CELF2: variants seen among roughly 807,000 people sequenced by gnomAD.
CELF2 encodes the protein CUG triplet repeat RNA-binding protein 2.
CELF2 carries 8 observed loss-of-function variants against 62.6 expected under a neutral mutation model. The observed-to-expected ratio is 0.13, with a 90% CI of 0.07 to 0.23. CELF2 has a LOEUF of 0.23. Ranked by LOEUF, CELF2 falls within the 10% of genes least tolerant of loss-of-function variation. The pLI is 1.00. For missense variants in CELF2, 333 were observed against 671.0 expected (o/e 0.50, Z 5.56); for synonymous variants, 258 against 250.0 (o/e 1.03, Z -0.30).
At chr10:10,826,746 A>G (rs2057420931) in intron 1 of CELF2, among the ~76,000 whole-genome samples, 1 of 152,344 alleles carries the variant, frequency 6.6e-6, no homozygotes, top group East Asian at 1.9e-4. Flanking sequence ...GTTGCCTTCA[A>G]AGATAAAGAA....
At chr10:10,836,321 C>T (rs1350801761) in intron 1 of CELF2, among the ~76,000 whole-genome samples, 1 of 152,092 alleles carries the variant, frequency 6.6e-6, no homozygotes, top group African/African-American at 2.4e-5. Flanking sequence ...AGGGGAAGAT[C>T]CAGGAAGGGT....
At chr10:10,651,645 C>T in the CELF2 span, among the ~76,000 whole-genome samples, 1 of 149,494 alleles carries the variant, frequency 6.7e-6, no homozygotes, top group Non-Finnish European at 1.5e-5. Flanking sequence ...TTCCAACAGA[C>T]CTGCAGCTGA....
intron 1 of CELF2, among the ~76,000 whole-genome samples, chr10:11,134,770 C>A (rs1480082549): frequency 6.6e-6 from 1 of 152,178 alleles, no homozygotes; most frequent in African/African-American, 2.4e-5. Context: ...GAGCAAGGAA[C>A]ACCCGGGAAC....
chr10:10,777,602 T>C, the CELF2 span, among the ~76,000 whole-genome samples: 6 of 152,176 alleles, frequency 3.9e-5, no homozygotes, highest in Admixed American at 3.9e-4. Flanking sequence ...GTCAAAGCCT[T>C]GGTCAACTTG....
chr10:11,076,494 T>G (rs2071985632), intron 1 of CELF2, among the ~76,000 whole-genome samples: 1 of 152,214 alleles, frequency 6.6e-6, no homozygotes, highest in Non-Finnish European at 1.5e-5. Context: ...GATCCAGGGC[T>G]ACTTGTCAAT....
chr10:11,227,896 CTG>C lies in CELF2; in HGVS notation c.354+10392_354+10393del, dbSNP rs1393867001. 1.3e-5 allele frequency among the ~76,000 whole-genome samples: 2 copies of C among 152,158 alleles called. No homozygotes were observed. Among genetic ancestry groups the C allele is most frequent in the Non-Finnish European group, 2.9e-5 (2 of 68,024 alleles). ...TGTGGGTCGCTGGGTGTATTTTAAT[CTG>C]TGACATTCCACACTTTGTGTACTCA... On this transcript the variant is annotated intron_variant, in intron 3 of 12. Transcript: ENST00000633077. This position sits in a 1 kb window ranked among gnomAD's most constrained non-coding sequence, Gnocchi z 4.8.
chr10:10,836,783 G>A (rs1443646360), intron 1 of CELF2, among the ~76,000 whole-genome samples: 1 of 152,168 alleles, frequency 6.6e-6, no homozygotes, highest in Non-Finnish European at 1.5e-5. Context: ...CAACAGGCAT[G>A]TGCCACCACG....
intron 2 of CELF2, among the ~76,000 whole-genome samples, chr10:10,994,049 C>G (rs1459382623): frequency 6.6e-6 from 1 of 152,164 alleles, no homozygotes; most frequent in African/African-American, 2.4e-5. Flanking sequence ...TTAAGCCACT[C>G]AGTTTATGGT....
At chr10:10,641,426 A>C in the CELF2 span, among the ~76,000 whole-genome samples, 134 of 152,006 alleles carry the variant, frequency 8.8e-4, no homozygotes, top group Non-Finnish European at 1.3e-3. Context: ...GTATTGCTAC[A>C]GAGGTTTTTT....
At chr10:10,467,065 CCAGTATACCAACATACCA>C in the CELF2 span, among the ~76,000 whole-genome samples, 1 of 151,954 alleles carries the variant, frequency 6.6e-6, no homozygotes, top group Non-Finnish European at 1.5e-5. Flanking sequence ...CAGTATACCA[CCAGTATACCAACATACCA>C]CAATATACCA....
rs529606491 is a variant in CELF2, at chr10:11,247,375, C to T, written c.355-1778C>T. Reference sequence around the variant, plus strand: ...TTCCTGGGTCACTGCGGGGCTGCCCCGTGAGTTTCACATGCCGGCCCCCCT... The same window carrying T: ...TTCCTGGGTCACTGCGGGGCTGCCCTGTGAGTTTCACATGCCGGCCCCCCT... On this transcript the variant is annotated intron_variant, in intron 3 of 12. Coordinates refer to ENST00000633077, the MANE Select transcript of CELF2 (RefSeq NM_001326342.2). This position sits in a 1 kb window ranked among gnomAD's most constrained non-coding sequence, Gnocchi z 5.4. Among the ~76,000 whole-genome samples, 3 of 152,312 alleles carry T rather than the reference C, an allele frequency of 2.0e-5. No individual in the cohort carries two copies. The highest frequency in any genetic ancestry group is 2.9e-5 in the Non-Finnish European group (2 of 68,018).
In CELF2 at chr10:11,191,655, C is replaced by A. The variant is rs187792363; in HGVS notation, c.272-25770C>A. Reference sequence around the variant, plus strand: ...TAACTGTGGCCTCCCCAGGATGTTACACGTCCTGGCCTCCTCCCTGCAGAA... The same window carrying A: ...TAACTGTGGCCTCCCCAGGATGTTAAACGTCCTGGCCTCCTCCCTGCAGAA... On this transcript the variant is annotated intron_variant, in intron 2 of 12. Transcript: ENST00000633077. The surrounding 1 kb of genome is among the most constrained non-coding windows in gnomAD (Gnocchi z 4.1). Among the ~76,000 whole-genome samples the A allele has an allele frequency of 7.4e-4, 112 of 152,284 alleles. No individual in the cohort carries two copies. Among genetic ancestry groups the A allele is most frequent in the African/African-American group, 2.5e-3 (103 of 41,558 alleles).
At chr10:10,861,366 G>A (rs1459277285) in intron 1 of CELF2, among the ~76,000 whole-genome samples, 1 of 152,158 alleles carries the variant, frequency 6.6e-6, no homozygotes, top group Non-Finnish European at 1.5e-5. Flanking sequence ...GAACCACTGT[G>A]CCTGGCCAAG....
At chr10:10,470,945 C>A in the CELF2 span, among the ~76,000 whole-genome samples, 1 of 151,536 alleles carries the variant, frequency 6.6e-6, no homozygotes, top group Admixed American at 6.6e-5. Flanking sequence ...TTCCACCCAA[C>A]CACCACTTTA....
chr10:10,557,983 G>C, the CELF2 span, among the ~76,000 whole-genome samples: 1 of 139,266 alleles, frequency 7.2e-6, no homozygotes, highest in African/African-American at 2.7e-5. Flanking sequence ...TCTGCAAACA[G>C]GGACAATTTG....
At chr10:10,579,598 T>G in the CELF2 span, among the ~76,000 whole-genome samples, 1 of 152,046 alleles carries the variant, frequency 6.6e-6, no homozygotes, top group Admixed American at 6.6e-5. Context: ...AATAAAGTCT[T>G]CCCTCCACCT....
chr10:10,749,135 T>A, the CELF2 span, among the ~76,000 whole-genome samples: 3 of 152,188 alleles, frequency 2.0e-5, no homozygotes, highest in African/African-American at 7.2e-5. Flanking sequence ...CAGAGTGAAA[T>A]GTCAACTAGA....
chr10:10,782,724 A>T, the CELF2 span, among the ~76,000 whole-genome samples: 1 of 152,076 alleles, frequency 6.6e-6, no homozygotes, highest in Non-Finnish European at 1.5e-5. Flanking sequence ...CTGAAGGAGG[A>T]TTTATTCACC....
intron 1 of CELF2, among the ~76,000 whole-genome samples, chr10:11,123,841 T>G (rs2058206676): frequency 6.6e-6 from 1 of 152,226 alleles, no homozygotes; most frequent in Non-Finnish European, 1.5e-5. Context: ...CTTTTGTTTT[T>G]CTTACAGTCT....
Sources: gnomAD v4.1 joint callset for allele counts (sites outside exome capture counted in the v4.1 genomes callset) on GRCh38, gnomAD v4.1.1 for gene constraint, Gnocchi (gnomAD v3.1) non-coding constraint, MANE v1.5 for transcripts, NCBI Gene and HGNC (gene_info 2026-07-23, HGNC 2026-07-21) for gene names.